BMERB1: variants seen among roughly 807,000 people sequenced by gnomAD.
BMERB1 encodes bMERB domain-containing protein 1.
BMERB1 carries 12 observed loss-of-function variants against 23.6 expected under a neutral mutation model. The ratio of observed to expected loss-of-function variants is 0.51; its 90% CI spans 0.33 to 0.82. The LOEUF (loss-of-function observed/expected upper bound fraction) is 0.82, where lower values mean the gene tolerates loss of function less well. Ranked by LOEUF, BMERB1 falls within the 40% of genes least tolerant of loss-of-function variation. BMERB1 has a pLI of 0.03. For missense variants in BMERB1, 247 were observed against 255.4 expected (o/e 0.97, Z 0.22); for synonymous variants, 122 against 96.6 (o/e 1.26, Z -1.54).
At chr16:15,509,358 A>C (rs905757331) in intron 1 of BMERB1, among the ~76,000 whole-genome samples, 1 of 151,198 alleles carries the variant, frequency 6.6e-6, no homozygotes, top group Non-Finnish European at 1.5e-5. Flanking sequence ...AGAGAGCACA[A>C]GCTGGGTTTG....
chr16:15,447,350 A>C (rs1330484781), intron 1 of BMERB1, among the ~76,000 whole-genome samples: 1 of 152,184 alleles, frequency 6.6e-6, no homozygotes, highest in East Asian at 1.9e-4. Context: ...CCAGATACTT[A>C]TCAAACAACC....
At chr16:15,494,734 TA>T (rs1388714099) in intron 1 of BMERB1, among the ~76,000 whole-genome samples, 1 of 152,154 alleles carries the variant, frequency 6.6e-6, no homozygotes, top group Non-Finnish European at 1.5e-5. Flanking sequence ...TTTTCTTGAG[TA>T]ACGCATAAAC....
intron 1 of BMERB1, among the ~76,000 whole-genome samples, chr16:15,507,875 G>A (rs117002269): frequency 2.0e-5 from 3 of 152,252 alleles, no homozygotes; most frequent in Non-Finnish European, 4.4e-5. Flanking sequence ...CTTGGAGGTG[G>A]AGGCAGGGAA....
chr16:15,447,997 G>T (rs949622574), intron 1 of BMERB1: 20 of 441,164 alleles, frequency 4.5e-5, no homozygotes, highest in African/African-American at 3.2e-4. Flanking sequence ...TCAAGCGATT[G>T]TCCTGCCTCA....
At chr16:15,481,324 A>C (rs1471397581) in intron 1 of BMERB1, among the ~76,000 whole-genome samples, 1 of 152,138 alleles carries the variant, frequency 6.6e-6, no homozygotes, top group African/African-American at 2.4e-5. Flanking sequence ...CAGGGGATCG[A>C]GACCATCCTG....
intron 1 of BMERB1, among the ~76,000 whole-genome samples, chr16:15,481,727 CTT>C (rs879776666): frequency 1.4e-5 from 2 of 144,334 alleles, no homozygotes. Context: ...TCTTTTCTTT[CTT>C]TTTTTTTTTT....
At position 15,449,805 on chromosome 16, in the gene BMERB1, C is replaced by G. The variant is rs201090365; in HGVS notation, c.106+15046C>G. 4.3e-4 allele frequency among the ~76,000 whole-genome samples: 65 copies of G among 152,214 alleles called. No homozygotes were observed. In the East Asian group the frequency reaches 0.012, roughly 28 times the overall value. ...AGGTGATCCACCCATCTCGGCCTCC[C>G]AAAGTGCTGGGATTACAGGCATGAA... is the stretch of plus-strand genomic sequence containing the variant. On this transcript the variant is annotated intron_variant, in intron 1 of 5. Coordinates refer to ENST00000300006, the MANE Select transcript of BMERB1 (RefSeq NM_033201.3).
At chr16:15,483,842 T>C (rs963515311) in intron 1 of BMERB1, among the ~76,000 whole-genome samples, 1 of 152,184 alleles carries the variant, frequency 6.6e-6, no homozygotes. Context: ...ATGTAATTAC[T>C]GTAGGTAGAG....
intron 4 of BMERB1, 26 bp from the exon 5 acceptor site, chr16:15,583,125 CTTCTT>C: frequency 1.3e-6 from 2 of 1,514,676 alleles, no homozygotes; most frequent in Non-Finnish European, 1.8e-6. Context: ...TGCTGTGTAT[CTTCTT>C]TTCTTTTACC....
chr16:15,486,168 C>CTCCA (rs750765828), intron 1 of BMERB1, among the ~76,000 whole-genome samples: 1 of 148,770 alleles, frequency 6.7e-6, no homozygotes, highest in African/African-American at 2.5e-5. Flanking sequence ...TGCCACTATA[C>CTCCA]TCCAGCCTGG....
chr16:15,562,140 CAA>C (rs929337612), intron 2 of BMERB1, among the ~76,000 whole-genome samples: 2 of 135,666 alleles, frequency 1.5e-5, no homozygotes, highest in Non-Finnish European at 1.6e-5. Flanking sequence ...AAATCTCGTC[CAA>C]AAAAAAAAAA....
At chr16:15,571,241 C>T (rs9929416) in intron 3 of BMERB1, among the ~76,000 whole-genome samples, 11,147 of 152,094 alleles carry the variant, frequency 0.073, 1,337 homozygotes, top group African/African-American at 0.25. Context: ...GTACCCCAAG[C>T]GAGGTCAGGG....
chr16:15,434,644 G>T lies in BMERB1; in HGVS notation c.-10G>T. 1.2e-6 allele frequency: 2 copies of T among 1,613,058 alleles called. No individual in the cohort carries two copies. Among genetic ancestry groups the T allele is most frequent in the Non-Finnish European group, 1.7e-6 (2 of 1,178,994 alleles). The stretch of plus-strand genomic sequence containing the variant: ...AGGGAGACCCGTCGACCTGGCCACG[G>T]GGATCAGCGATGGAATTAAAGCAAT... On this transcript the variant is annotated 5_prime_UTR_variant, in exon 1 of 6. Coordinates refer to ENST00000300006, the MANE Select transcript of BMERB1 (RefSeq NM_033201.3).
chr16:15,494,939 AGTG>A (rs1360793344), intron 1 of BMERB1, among the ~76,000 whole-genome samples: 3 of 128,564 alleles, frequency 2.3e-5, no homozygotes. Context: ...GCTGGAGTGC[AGTG>A]GCTCGATCTC....
chr16:15,533,948 C>T (rs1428850558), intron 2 of BMERB1, among the ~76,000 whole-genome samples: 1 of 152,100 alleles, frequency 6.6e-6, no homozygotes, highest in Non-Finnish European at 1.5e-5. Context: ...TGTACAATGT[C>T]TGTACATTTC....
chr16:15,514,144 C>T (rs2051714120), intron 1 of BMERB1, among the ~76,000 whole-genome samples: 1 of 151,758 alleles, frequency 6.6e-6, no homozygotes, highest in Admixed American at 6.6e-5. Context: ...CTAGGTGGGC[C>T]TGTAGTTCCA....
Position 15,587,146 on chromosome 16 carries a change from CCCA to C in BMERB1, c.*320_*322del, listed in dbSNP as rs2031168755. ...TCCACTTCTCTCTAGCTGTATCTAA[CCCA>C]CCGTGTGAATGAACTGGGAGAGGGG... On this transcript the variant is annotated 3_prime_UTR_variant, in exon 6 of 6. Coordinates refer to ENST00000300006, the MANE Select transcript of BMERB1 (RefSeq NM_033201.3). The C allele has an allele frequency of 3.0e-6, 1 of 337,572 alleles. No individual in the cohort carries two copies. The highest frequency in any genetic ancestry group is 5.5e-6 in the Non-Finnish European group (1 of 181,518). 20.9% of individuals were successfully genotyped at this position (337,572 alleles called of 1,614,324 possible).
chr16:15,573,725 G>C (rs1486305077), intron 3 of BMERB1, among the ~76,000 whole-genome samples: 1 of 152,174 alleles, frequency 6.6e-6, no homozygotes, highest in Admixed American at 6.5e-5. Context: ...TCCTAATCTT[G>C]TGCTTAATTT....
At chr16:15,478,762 A>G (rs1050755287) in intron 1 of BMERB1, among the ~76,000 whole-genome samples, 1 of 152,212 alleles carries the variant, frequency 6.6e-6, no homozygotes, top group Non-Finnish European at 1.5e-5. Flanking sequence ...CTTCATGGCC[A>G]TGTATTCACA....
Sources: allele counts gnomAD v4.1 joint callset (sites outside exome capture counted in the v4.1 genomes callset), GRCh38; gene constraint gnomAD v4.1.1; transcripts MANE v1.5; gene names NCBI Gene and HGNC (gene_info 2026-07-23, HGNC 2026-07-21).